TRDN: variants seen among roughly 807,000 people sequenced by gnomAD.
The protein encoded by TRDN is triadin in skeletal muscle.
TRDN carries 161 observed loss-of-function variants against 149.7 expected under a neutral mutation model. That is an observed-to-expected ratio of 1.08 (90% confidence interval 0.95 to 1.23). The LOEUF (loss-of-function observed/expected upper bound fraction) is 1.23. TRDN is among the 50% of genes most tolerant of loss of function. The pLI is 0.00. For missense variants in TRDN, 896 were observed against 823.5 expected (o/e 1.09, Z -1.08); for synonymous variants, 294 against 250.5 (o/e 1.17, Z -1.64).
At chr6:123,607,982 C>T (rs1784598476) in intron 1 of TRDN, among the ~76,000 whole-genome samples, 1 of 151,946 alleles carries the variant, frequency 6.6e-6, no homozygotes, top group Admixed American at 6.6e-5. Flanking sequence ...AGCCTCCAAG[C>T]CCAGCCCAGA....
At chr6:123,240,098 C>A (rs1315710215) in intron 38 of TRDN, among the ~76,000 whole-genome samples, 1 of 151,750 alleles carries the variant, frequency 6.6e-6, no homozygotes, top group Non-Finnish European at 1.5e-5. Context: ...AAAAAGTAAT[C>A]AAGGGAATCA....
At chr6:123,309,383 T>C (rs1778731071) in intron 24 of TRDN, among the ~76,000 whole-genome samples, 1 of 152,080 alleles carries the variant, frequency 6.6e-6, no homozygotes, top group South Asian at 2.1e-4. Context: ...GCTACCATAC[T>C]GAAACTGGGC....
chr6:123,628,306 C>G (rs1322847482), intron 1 of TRDN, among the ~76,000 whole-genome samples: 2 of 151,858 alleles, frequency 1.3e-5, no homozygotes, highest in Non-Finnish European at 2.9e-5. Flanking sequence ...ATTGTTGTGT[C>G]TCGGGGAACA....
At chr6:123,572,624 A>G (rs998179545) in intron 1 of TRDN, among the ~76,000 whole-genome samples, 1 of 152,138 alleles carries the variant, frequency 6.6e-6, no homozygotes, top group Non-Finnish European at 1.5e-5. Flanking sequence ...TAAATCCCAA[A>G]TTATACAGAT....
rs1411339071 is a variant in TRDN, at chr6:123,216,411, T to G, written c.*2190A>C. 1 of 152,138 alleles carries G rather than the reference T, an allele frequency of 6.6e-6. No individual in the cohort carries two copies. The highest frequency in any genetic ancestry group is 2.4e-5 in the African/African-American group (1 of 41,576). 9.4% of individuals were successfully genotyped at this position (152,138 alleles called of 1,614,324 possible). A position where few individuals can be genotyped will look rare whatever the true frequency, so the allele number is the denominator to read the frequency against. ...GACAGTTCAGATAATATTTTTAAAG[T>G]GCTATGATCATTGTAACTTTAATCA... On this transcript the variant is annotated 3_prime_UTR_variant, in exon 41 of 41. Coordinates refer to ENST00000334268, the MANE Select transcript of TRDN (RefSeq NM_006073.4).
At chr6:123,251,609 A>T (rs1776376194) in intron 38 of TRDN, among the ~76,000 whole-genome samples, 1 of 151,974 alleles carries the variant, frequency 6.6e-6, no homozygotes, top group Non-Finnish European at 1.5e-5. Flanking sequence ...AATTAAAATT[A>T]CATATATGTA....
chr6:123,483,075 ATTATTATT>A (rs1562339285), intron 9 of TRDN, among the ~76,000 whole-genome samples: 16 of 77,780 alleles, frequency 2.1e-4, no homozygotes, highest in Non-Finnish European at 1.5e-4. Flanking sequence ...ATTTATTATT[ATTATTATT>A]ATTATTATTA....
At chr6:123,343,576 G>T (rs1399952048) in intron 21 of TRDN, among the ~76,000 whole-genome samples, 1 of 151,748 alleles carries the variant, frequency 6.6e-6, no homozygotes, top group East Asian at 1.9e-4. Context: ...GCTACTCATG[G>T]TATAAAATTT....
intron 12 of TRDN, among the ~76,000 whole-genome samples, chr6:123,423,121 T>G (rs1773980015): frequency 6.6e-6 from 1 of 152,138 alleles, no homozygotes; most frequent in Non-Finnish European, 1.5e-5. Context: ...TGTTGTTAAT[T>G]TTATACTCCA....
intron 14 of TRDN, among the ~76,000 whole-genome samples, chr6:123,387,076 C>A (rs1781932328): frequency 2.6e-5 from 4 of 152,176 alleles, no homozygotes; most frequent in African/African-American, 9.6e-5. Flanking sequence ...ATTGTAAAGC[C>A]ACTCAATATT....
At chr6:123,226,869 G>T (rs183839476) in intron 38 of TRDN, among the ~76,000 whole-genome samples, 1 of 151,638 alleles carries the variant, frequency 6.6e-6, no homozygotes, top group Admixed American at 6.6e-5. Context: ...CTGCTTTGTC[G>T]GACTGTCAGG....
intron 12 of TRDN, 50 bp downstream of exon 12, chr6:123,438,013 G>A: frequency 6.8e-7 from 1 of 1,478,750 alleles, no homozygotes; most frequent in Admixed American, 1.9e-5. Flanking sequence ...CTTTCATGAA[G>A]CAAACATCCT....
At chr6:123,381,742 C>T (rs1277326892) in intron 15 of TRDN, among the ~76,000 whole-genome samples, 1 of 151,782 alleles carries the variant, frequency 6.6e-6, no homozygotes, top group Non-Finnish European at 1.5e-5. Context: ...TATTCAAGAC[C>T]GAAAGGAAGA....
intron 1 of TRDN, among the ~76,000 whole-genome samples, chr6:123,595,516 C>G (rs1356279194): frequency 6.6e-6 from 1 of 152,172 alleles, no homozygotes; most frequent in South Asian, 2.1e-4. Flanking sequence ...GGCATACTAC[C>G]TTTTATTGTG....
At chr6:123,234,027 A>G (rs1182765447) in intron 38 of TRDN, among the ~76,000 whole-genome samples, 2 of 152,062 alleles carry the variant, frequency 1.3e-5, no homozygotes, top group Non-Finnish European at 2.9e-5. Context: ...GAATATTATT[A>G]TTCAAAATTT....
At chr6:123,566,118 G>A (rs1405944680) in intron 2 of TRDN, among the ~76,000 whole-genome samples, 1 of 152,202 alleles carries the variant, frequency 6.6e-6, no homozygotes, top group Non-Finnish European at 1.5e-5. Flanking sequence ...GCATAGTATT[G>A]TTTGAATATT....
At chr6:123,570,901 A>G in intron 2 of TRDN, 22 bp downstream of exon 2, 1 of 1,606,252 alleles carries the variant, frequency 6.2e-7, no homozygotes, top group Non-Finnish European at 8.5e-7. Flanking sequence ...TTAATTTTAA[A>G]GCCAAATTTT....
rs76988769 is a variant in TRDN at position 123,390,756 on chromosome 6, G to A, written c.1106-2205C>T. On this transcript the variant is annotated intron_variant, in intron 13 of 40. Coordinates refer to ENST00000334268, the MANE Select transcript of TRDN (RefSeq NM_006073.4). ...ATCTACTTAACTCTGTTATGGGATT[G>A]GATGACTCCTGAATTTACTGAGTAG... 3.1e-3 allele frequency among the ~76,000 whole-genome samples: 467 copies of A among 152,190 alleles called. 4 individuals carry two copies. Among genetic ancestry groups the A allele is most frequent in the African/African-American group, 0.011 (436 of 41,524 alleles).
chr6:123,367,084 G>A (rs1781131546), intron 19 of TRDN, among the ~76,000 whole-genome samples: 1 of 152,162 alleles, frequency 6.6e-6, no homozygotes, highest in South Asian at 2.1e-4. Flanking sequence ...AATACTTAGA[G>A]TGGAAGACAG....
Sources: gnomAD v4.1 joint callset for allele counts (sites outside exome capture counted in the v4.1 genomes callset) on GRCh38, gnomAD v4.1.1 for gene constraint, MANE v1.5 for transcripts, NCBI Gene and HGNC (gene_info 2026-07-23, HGNC 2026-07-21) for gene names.